TEX29: variants seen among roughly 807,000 people sequenced by gnomAD.
TEX29 encodes the protein testis-expressed protein 29.
In TEX29, 26 loss-of-function variants were observed where a neutral mutation model predicts 18.2. The ratio of observed to expected loss-of-function variants is 1.43; its 90% CI spans 1.04 to 1.98. TEX29 has a LOEUF of 1.98. Ranked by LOEUF, TEX29 falls within the 30% of genes most tolerant of loss-of-function variation. The pLI, the probability that TEX29 is intolerant of heterozygous loss-of-function variation, is 0.00. For synonymous variants in TEX29, 83 were observed against 78.5 expected, an observed-to-expected ratio of 1.06 and a Z score of -0.31; for missense variants, 177 against 194.2, an observed-to-expected ratio of 0.91 and a Z score of 0.53.
In TEX29 at chr13:111,339,845, A is replaced by C. The variant is rs764378382; in HGVS notation, c.170-18A>C. The C allele has an allele frequency of 1.9e-6, 3 of 1,613,666 alleles. No individual in the cohort carries two copies. The highest frequency in any genetic ancestry group is 2.5e-6 in the Non-Finnish European group (3 of 1,179,626). On this transcript the variant is annotated intron_variant, in intron 3 of 5. Coordinates refer to ENST00000283547, the MANE Select transcript of TEX29 (RefSeq NM_152324.3). ...ATTTACCTGGATCGAAATGACTTCA[A>C]ATCCCACCATTTTTCAGTTTACATC...
chr13:111,328,031 A>C (rs574042465), intron 2 of TEX29, 152 bp from the exon 3 acceptor site: 2 of 589,332 alleles, frequency 3.4e-6, no homozygotes, highest in Admixed American at 6.1e-5. Flanking sequence ...CTTAGTTTCA[A>C]ATAAAGATTT....
At chr13:111,320,173 G>A (rs778557666), upstream of TEX29, among the ~76,000 whole-genome samples, 9 of 152,186 alleles carry the variant, frequency 5.9e-5, no homozygotes, top group Non-Finnish European at 1.0e-4. Flanking sequence ...GGCAACCCCT[G>A]CCCTGATCCA....
Position 111,320,878 on chromosome 13 carries a change from GTC to G in TEX29, c.-12_-11del. 2 of 1,612,726 alleles carry G rather than the reference GTC, an allele frequency of 1.2e-6. No homozygotes were observed. Among genetic ancestry groups the G allele is most frequent in the Non-Finnish European group, 1.7e-6 (2 of 1,179,498 alleles). On this transcript the variant is annotated 5_prime_UTR_variant, in exon 2 of 6. Coordinates refer to ENST00000283547, the MANE Select transcript of TEX29 (RefSeq NM_152324.3). ...CCAGGTGTGCTCGGCCCCTTCATCT[GTC>G]AGCTGCAGCAATGGAATACGTGCTG...
chr13:111,338,357 G>T lies in TEX29; in HGVS notation c.170-1506G>T, dbSNP rs562116377. Among the ~76,000 whole-genome samples, 3 of 152,314 alleles carry T rather than the reference G, an allele frequency of 2.0e-5. No homozygotes were observed. In the South Asian group the frequency reaches 6.2e-4, roughly 32 times the overall value. ...ACAGCCACGTGACAATAGGGGCAGA[G>T]ACTGCTGTGATGCTAGGAGGAAGCC... On this transcript the variant is annotated intron_variant, in intron 3 of 5. Coordinates refer to ENST00000283547, the MANE Select transcript of TEX29 (RefSeq NM_152324.3).
chr13:111,343,682 C>T (rs1228167356), intron 5 of TEX29, among the ~76,000 whole-genome samples: 1 of 152,142 alleles, frequency 6.6e-6, no homozygotes, highest in East Asian at 1.9e-4. Context: ...TACAAACGGC[C>T]TGGCCTTACC....
Position 111,339,901 on chromosome 13 carries a change from G to A in TEX29, c.208G>A (p.Ala70Thr), listed in dbSNP as rs199521485. Reference protein sequence around the residue: ...HVFSALIVIIAGAFVITIIYR... With the variant: ...HVFSALIVIITGAFVITIIYR... ...GTTCTCTGCCTTGATTGTGATCATC[G>A]CTGGGGCCTTCGTCATCACCATCAT... The change falls in exon 4 of 6, where the codon GCT (alanine) becomes ACT (threonine). Residue 70 changes from alanine (A) to threonine (T), a missense_variant. Ala to Thr is a moderately conservative substitution (Grantham distance 58). Coordinates refer to ENST00000283547, the MANE Select transcript of TEX29 (RefSeq NM_152324.3). The A allele has an allele frequency of 1.5e-5, 25 of 1,613,918 alleles. No individual in the cohort carries two copies. In the East Asian group the frequency reaches 2.2e-4, roughly 14 times the overall value.
chr13:111,339,968 G>A, intron 4 of TEX29, 36 bp downstream of exon 4: 3 of 1,387,540 alleles, frequency 2.2e-6, no homozygotes, highest in South Asian at 1.1e-5. Flanking sequence ...AGGGTGGGGA[G>A]GAGGGGACTC....
chr13:111,335,883 T>C (rs1161488756), intron 3 of TEX29, among the ~76,000 whole-genome samples: 2 of 152,208 alleles, frequency 1.3e-5, no homozygotes, highest in African/African-American at 4.8e-5. Flanking sequence ...CCGCTGCTTT[T>C]GCCACCTCTC....
At chr13:111,324,202 G>A (rs999765259) in intron 2 of TEX29, among the ~76,000 whole-genome samples, 5 of 152,136 alleles carry the variant, frequency 3.3e-5, no homozygotes, top group Admixed American at 1.3e-4. Flanking sequence ...TTCTCTTCCC[G>A]CCTGGACCAT....
chr13:111,335,100 T>C (rs1467756687), intron 3 of TEX29, among the ~76,000 whole-genome samples: 1 of 152,232 alleles, frequency 6.6e-6, no homozygotes, highest in Non-Finnish European at 1.5e-5. Context: ...CTGGTGATTT[T>C]TGCCAGTGTT....
chr13:111,342,686 T>TGGGA, intron 4 of TEX29, 70 bp from the exon 5 acceptor site: 2 of 1,490,162 alleles, frequency 1.3e-6, no homozygotes, highest in Middle Eastern at 1.7e-4. Context: ...TCCTGGTGGG[T>TGGGA]GGGAGGGAGG....
intron 3 of TEX29, among the ~76,000 whole-genome samples, chr13:111,328,865 C>T (rs1467710115): frequency 2.0e-5 from 3 of 152,126 alleles, no homozygotes; most frequent in East Asian, 1.9e-4. Flanking sequence ...TGGGTAAGGG[C>T]GCCGGAGGCG....
intron 2 of TEX29, among the ~76,000 whole-genome samples, chr13:111,322,334 C>T (rs1425697741): frequency 7.3e-6 from 1 of 136,922 alleles, no homozygotes; most frequent in East Asian, 2.3e-4. Context: ...TGGGGTGGCC[C>T]CTCTCATATT....
At chr13:111,341,962 C>T (rs906751116) in intron 4 of TEX29, among the ~76,000 whole-genome samples, 4 of 152,250 alleles carry the variant, frequency 2.6e-5, no homozygotes, top group Non-Finnish European at 5.9e-5. Context: ...CTCAGAGTCC[C>T]TGAACCCAAG....
At chr13:111,322,326 G>C (rs1172906714) in intron 2 of TEX29, among the ~76,000 whole-genome samples, 1 of 147,244 alleles carries the variant, frequency 6.8e-6, no homozygotes, top group Non-Finnish European at 1.5e-5. Context: ...TGGACGGCTG[G>C]GGTGGCCCCT....
intron 2 of TEX29, among the ~76,000 whole-genome samples, chr13:111,323,680 C>A (rs994920740): frequency 6.6e-5 from 10 of 151,728 alleles, no homozygotes; most frequent in Non-Finnish European, 1.3e-4. Context: ...GTGGTTCACA[C>A]GTGCTCCAGG....
rs2093682619 is a variant in TEX29 at position 111,331,410 on chromosome 13, C to CT, written c.169+3122dup. On this transcript the variant is annotated intron_variant, in intron 3 of 5. Coordinates refer to ENST00000283547, the MANE Select transcript of TEX29 (RefSeq NM_152324.3). ...CCCAGTTTTAAATTGGGTTAATTGT[C>CT]TTTTTATTATGGAGTTGTATGGGTT... Among the ~76,000 whole-genome samples, 6 of 142,978 alleles carry CT rather than the reference C, an allele frequency of 4.2e-5. No homozygotes were observed. In the South Asian group the frequency reaches 1.3e-3, roughly 32 times the overall value. 93.8% of individuals were successfully genotyped at this position (142,978 alleles called of 152,430 possible). A position where few individuals can be genotyped will look rare whatever the true frequency, so the allele number is the denominator to read the frequency against.
At chr13:111,339,021 G>A (rs1234887650) in intron 3 of TEX29, among the ~76,000 whole-genome samples, 1 of 152,210 alleles carries the variant, frequency 6.6e-6, no homozygotes, top group East Asian at 1.9e-4. Flanking sequence ...TGCCTGCTGA[G>A]CAGTGGGCAG....
chr13:111,330,327 G>A (rs35922059), intron 3 of TEX29, among the ~76,000 whole-genome samples: 9,013 of 152,188 alleles, frequency 0.059, 388 homozygotes, highest in Middle Eastern at 0.14. Context: ...TTCGTGGTGA[G>A]GATTTGGCAC....
Sources: allele counts gnomAD v4.1 joint callset (sites outside exome capture counted in the v4.1 genomes callset), GRCh38; gene constraint gnomAD v4.1.1; transcripts MANE v1.5; gene names NCBI Gene and HGNC (gene_info 2026-07-23, HGNC 2026-07-21).